Variants in TRABD2A observed in about 807,000 individuals in gnomAD.
The protein encoded by TRABD2A is metalloprotease TIKI1.
Under a neutral mutation model 45.6 loss-of-function variants are expected in TRABD2A, and 43 were observed. The ratio of observed to expected loss-of-function variants is 0.94; its 90% CI spans 0.74 to 1.22. The LOEUF is 1.22. Ranked by LOEUF, TRABD2A falls within the 50% of genes most tolerant of loss-of-function variation. The pLI, the probability that TRABD2A is intolerant of heterozygous loss-of-function variation, is 0.00. For synonymous variants in TRABD2A, 269 were observed against 265.0 expected, an observed-to-expected ratio of 1.02 and a Z score of -0.15; for missense variants, 642 against 652.4, an observed-to-expected ratio of 0.98 and a Z score of 0.17.
chr2:84,832,233 A>T, intron 4 of TRABD2A, 88 bp from the exon 5 acceptor site: 1 of 1,354,878 alleles, frequency 7.4e-7, no homozygotes, highest in Admixed American at 1.9e-5. Context: ...CCAAGAAATT[A>T]CCCTGCCAAG....
intron 2 of TRABD2A, among the ~76,000 whole-genome samples, chr2:84,845,643 T>C (rs1681871567): frequency 6.6e-6 from 1 of 152,128 alleles, no homozygotes; most frequent in African/African-American, 2.4e-5. Context: ...GAGTGGTTGA[T>C]AGACTGAACA....
chr2:84,842,546 A>G (rs1434920386), intron 2 of TRABD2A, among the ~76,000 whole-genome samples: 1 of 152,136 alleles, frequency 6.6e-6, no homozygotes, highest in Non-Finnish European at 1.5e-5. Flanking sequence ...CCTGGCCAAC[A>G]TGGTGAAACA....
chr2:84,831,981 A>G, intron 5 of TRABD2A, 74 bp downstream of exon 5: 1 of 1,501,972 alleles, frequency 6.7e-7, no homozygotes, highest in Non-Finnish European at 9.3e-7. Flanking sequence ...TCAAGATAGC[A>G]GCCCACCCTG....
intron 6 of TRABD2A, 107 bp from the exon 7 acceptor site, chr2:84,822,207 G>T: frequency 1.1e-6 from 1 of 929,656 alleles, no homozygotes; most frequent in Non-Finnish European, 1.6e-6. Flanking sequence ...CCTCCTTATA[G>T]ACAGGAATGG....
chr2:84,877,611 GA>G (rs1401908808), intron 1 of TRABD2A, among the ~76,000 whole-genome samples: 2 of 151,858 alleles, frequency 1.3e-5, no homozygotes, highest in East Asian at 3.9e-4. Context: ...TCTCAAAAAA[GA>G]AAAAAGAGAG....
intron 1 of TRABD2A, among the ~76,000 whole-genome samples, chr2:84,873,136 T>G (rs973123225): frequency 8.3e-6 from 1 of 120,432 alleles, no homozygotes; most frequent in Admixed American, 8.3e-5. Context: ...AAAAAAAAAT[T>G]TAGGCCGAGC....
At chr2:84,839,060 C>A in intron 4 of TRABD2A, 89 bp downstream of exon 4, 2 of 1,464,140 alleles carry the variant, frequency 1.4e-6, no homozygotes, top group South Asian at 2.5e-5. Context: ...ATGACTAACA[C>A]AGGCCCTAAG....
intron 2 of TRABD2A, among the ~76,000 whole-genome samples, chr2:84,854,289 C>A (rs1382056318): frequency 3.3e-5 from 5 of 152,006 alleles, no homozygotes; most frequent in Non-Finnish European, 5.9e-5. Context: ...GTCTTGGAAC[C>A]AATCCCCCAT....
chr2:84,828,315 G>C (rs1400322114), intron 5 of TRABD2A, among the ~76,000 whole-genome samples: 2 of 152,130 alleles, frequency 1.3e-5, no homozygotes, highest in East Asian at 3.8e-4. Context: ...AGGGCCTTAA[G>C]TAAGCTAAAT....
chr2:84,842,751 G>T (rs1681755110), intron 2 of TRABD2A, among the ~76,000 whole-genome samples: 2 of 150,912 alleles, frequency 1.3e-5, no homozygotes, highest in South Asian at 4.2e-4. Context: ...GAAAAGAAAA[G>T]AAAATTAAAC....
chr2:84,839,178 T>C lies in TRABD2A; in HGVS notation c.962A>G (p.Asp321Gly), dbSNP rs1274734832. ...RVKALLEEFP[D>G]KGFFFAFGAG... ...TCCAAAGGCAAAGAAGAAGCCTTTG[T>C]CAGGGAACTCCTCCAAAAGGGCCTT... The change falls in exon 4 of 7, where the codon GAC becomes GGC. Residue 321 changes from aspartate (D) to glycine (G), a missense_variant. Asp to Gly is a moderately conservative substitution (Grantham distance 94, BLOSUM62 -1). Transcript: ENST00000409520. 1 of 1,613,944 alleles carries C rather than the reference T, an allele frequency of 6.2e-7. No homozygotes were observed. Among genetic ancestry groups the C allele is most frequent in the Admixed American group, 1.7e-5 (1 of 60,008 alleles).
intron 2 of TRABD2A, among the ~76,000 whole-genome samples, chr2:84,860,728 C>T (rs1573943945): frequency 3.3e-5 from 5 of 152,380 alleles, no homozygotes; most frequent in South Asian, 2.1e-4. Context: ...CTGCTTATTT[C>T]CTTCTCTCTT....
chr2:84,840,448 AC>A (rs1176000213), intron 3 of TRABD2A, among the ~76,000 whole-genome samples: 1 of 151,634 alleles, frequency 6.6e-6, no homozygotes, highest in Non-Finnish European at 1.5e-5. Flanking sequence ...TCCAAACATC[AC>A]CCAAAGCCTG....
intron 5 of TRABD2A, among the ~76,000 whole-genome samples, chr2:84,824,987 T>A (rs564561609): frequency 6.6e-6 from 1 of 152,266 alleles, no homozygotes; most frequent in East Asian, 1.9e-4. Flanking sequence ...AGTGAAGAAA[T>A]AAGCTACTAT....
rs1446249559 is a variant in TRABD2A at position 84,870,351 on chromosome 2, C to T, written c.543G>A (p.Lys181=). The T allele has an allele frequency of 1.2e-5, 19 of 1,614,070 alleles. No individual in the cohort carries two copies. The highest frequency in any genetic ancestry group is 1.6e-5 in the Non-Finnish European group (19 of 1,179,902). Residue 181 remains lysine, a synonymous_variant, in exon 2 of 7, where the codon AAG becomes AAA. Transcript: ENST00000409520. ...MVNSLTEVDI[K]SRGVPVLDLF... ...GGTCTAAGACAGGCACTCCACGGGA[C>T]TTAATGTCCACTTCAGTCAGGGAGT...
At chr2:84,872,080 CAT>C (rs1049798879) in intron 1 of TRABD2A, among the ~76,000 whole-genome samples, 30 of 152,304 alleles carry the variant, frequency 2.0e-4, no homozygotes, top group African/African-American at 5.8e-4. Flanking sequence ...GCATTTATAA[CAT>C]ATCTGCTTAT....
At position 84,832,046 on chromosome 2, in the gene TRABD2A, G is replaced by A. The variant is rs1430985676; in HGVS notation, c.1082+9C>T. ...CTCCCCAGCCAAGATAGAAGCACAG[G>A]ACGGTTACTTGTGGATGGGTCGTCC... is the stretch of plus-strand genomic sequence containing the variant. On this transcript the variant is annotated intron_variant, in intron 5 of 6. Coordinates refer to ENST00000409520, the MANE Select transcript of TRABD2A (RefSeq NM_001277053.2). The A allele has an allele frequency of 1.6e-5, 26 of 1,613,862 alleles. No homozygotes were observed. Among genetic ancestry groups the A allele is most frequent in the Non-Finnish European group, 2.1e-5 (25 of 1,179,872 alleles).
intron 5 of TRABD2A, among the ~76,000 whole-genome samples, chr2:84,825,068 A>T (rs1368695592): frequency 6.6e-6 from 1 of 152,222 alleles, no homozygotes; most frequent in Non-Finnish European, 1.5e-5. Context: ...GAGCAGAAAG[A>T]GAAGAATTCT....
At chr2:84,847,762 C>T (rs947711216) in intron 2 of TRABD2A, among the ~76,000 whole-genome samples, 17 of 152,190 alleles carry the variant, frequency 1.1e-4, no homozygotes, top group African/African-American at 4.1e-4. Flanking sequence ...GCTGCCATAA[C>T]AAAATACCAC....
Sources: allele counts gnomAD v4.1 joint callset (sites outside exome capture counted in the v4.1 genomes callset), GRCh38; gene constraint gnomAD v4.1.1; transcripts MANE v1.5; gene names NCBI Gene and HGNC (gene_info 2026-07-23, HGNC 2026-07-21).